Variants in GOT2 observed in about 807,000 individuals in gnomAD.
GOT2 encodes aspartate aminotransferase, mitochondrial.
Under a neutral mutation model 50.0 loss-of-function variants are expected in GOT2, and 17 were observed. That is an observed-to-expected ratio of 0.34 (90% CI 0.23 to 0.51). The LOEUF (loss-of-function observed/expected upper bound fraction) is 0.51, where lower values mean the gene tolerates loss of function less well. Among genes scored for constraint, GOT2 ranks in the 20% least tolerant of loss-of-function variants. The pLI is 0.97. For missense variants in GOT2, 430 were observed against 559.6 expected (o/e 0.77, Z 2.34); for synonymous variants, 172 against 204.9 (o/e 0.84, Z 1.37).
chr16:58,728,385 TG>T (rs757838897), intron 1 of GOT2, among the ~76,000 whole-genome samples: 1 of 152,268 alleles, frequency 6.6e-6, no homozygotes, highest in East Asian at 1.9e-4. Context: ...GGTCTAATGA[TG>T]AAAAAAACAC....
chr16:58,718,452 G>C (rs1212347479), intron 5 of GOT2, 75 bp downstream of exon 5: 1 of 1,429,302 alleles, frequency 7.0e-7, no homozygotes, highest in Non-Finnish European at 9.6e-7. Flanking sequence ...CAGATATTGG[G>C]ACATGGTGGG....
Position 58,709,530 on chromosome 16 carries a change from C to T in GOT2, c.1057G>A (p.Gly353Ser). 6.2e-7 allele frequency: 1 copy of T among 1,612,456 alleles called. No homozygotes were observed. Among genetic ancestry groups the T allele is most frequent in the Non-Finnish European group, 8.5e-7 (1 of 1,178,600 alleles). Residue 353 changes from glycine to serine, a missense_variant, in exon 9 of 10, where the codon GGC (glycine) becomes AGC (serine). Transcript: ENST00000245206. ...EVKVMADRII[G>S]MRTQLVSNLK... is the part of the protein sequence containing the mutation. ...TTGGAGACCAGTTGAGTCCGCATGCCAATGATGCGGTCAGCCATGACTTTC... is the reference window on the plus strand; with the variant it reads ...TTGGAGACCAGTTGAGTCCGCATGCTAATGATGCGGTCAGCCATGACTTTC...
At chr16:58,729,723 C>CAT (rs1555509610) in intron 1 of GOT2, among the ~76,000 whole-genome samples, 16 of 150,330 alleles carry the variant, frequency 1.1e-4, no homozygotes, top group African/African-American at 3.7e-4. Flanking sequence ...TTTAAGAATT[C>CAT]TTTTTTTTTG....
chr16:58,715,962 A>G, intron 8 of GOT2, 52 bp downstream of exon 8: 1 of 1,415,024 alleles, frequency 7.1e-7, no homozygotes, highest in Non-Finnish European at 9.7e-7. Context: ...CTAACTTTGA[A>G]GGAGCAGTGG....
rs7202491 is a variant in GOT2 at position 58,707,946 on chromosome 16, C to T, written c.*225G>A. The T allele has an allele frequency of 8.3e-6, 3 of 359,390 alleles. No individual in the cohort carries two copies. Among genetic ancestry groups the T allele is most frequent in the Non-Finnish European group, 1.5e-5 (3 of 201,576 alleles). The allele number at this position is 359,390 out of a possible 1,614,324, so 22.3% of individuals were successfully genotyped here. A position where few individuals can be genotyped will look rare whatever the true frequency, so the allele number is the denominator to read the frequency against. The stretch of plus-strand genomic sequence containing the variant: ...TGAGAAAAGTTGGAGAAAAAAGGAC[C>T]GGGGAGAGTTTGGTTTAATATTCCA... On this transcript the variant is annotated 3_prime_UTR_variant, in exon 10 of 10. Transcript: ENST00000245206.
intron 2 of GOT2, among the ~76,000 whole-genome samples, chr16:58,722,650 A>G (rs1042894079): frequency 6.6e-6 from 1 of 152,230 alleles, no homozygotes; most frequent in African/African-American, 2.4e-5. Context: ...GATTACAGGC[A>G]TGAGCCACTG....
Position 58,707,905 on chromosome 16 carries a change from G to A in GOT2, c.*266C>T, listed in dbSNP as rs2044616391. On this transcript the variant is annotated 3_prime_UTR_variant, in exon 10 of 10. Coordinates refer to ENST00000245206, the MANE Select transcript of GOT2 (RefSeq NM_002080.4). Reference sequence around the variant, plus strand: ...GGTTTTTTGGTGCGATGACTTTCTTGCACATGTAAACTCTTTGAGAAAAGT... The same window carrying A: ...GGTTTTTTGGTGCGATGACTTTCTTACACATGTAAACTCTTTGAGAAAAGT... 3.5e-6 allele frequency: 1 copy of A among 285,756 alleles called. No individual in the cohort carries two copies. The highest frequency in any genetic ancestry group is 6.7e-5 in the East Asian group (1 of 14,892). The allele number at this position is 285,756 out of a possible 1,614,324, so 17.7% of individuals were successfully genotyped here.
intron 4 of GOT2, 84 bp downstream of exon 4, chr16:58,719,112 G>C (rs1335780449): frequency 1.1e-6 from 1 of 946,330 alleles, no homozygotes; most frequent in Admixed American, 1.7e-5. Context: ...ATCTACTTCT[G>C]CATCAACAGT....
chr16:58,722,545 T>A (rs1204200511), intron 2 of GOT2, among the ~76,000 whole-genome samples: 1 of 152,032 alleles, frequency 6.6e-6, no homozygotes, highest in Non-Finnish European at 1.5e-5. Context: ...TAATTTTGTA[T>A]TTTTAGTAGA....
intron 2 of GOT2, 92 bp from the exon 3 acceptor site, chr16:58,722,370 G>A: frequency 7.4e-7 from 1 of 1,344,076 alleles, no homozygotes; most frequent in Non-Finnish European, 1.0e-6. Context: ...AAGTTTTGGA[G>A]GTAAAGTCTT....
At chr16:58,715,812 A>T (rs1030998696) in intron 8 of GOT2, among the ~76,000 whole-genome samples, 10 of 152,126 alleles carry the variant, frequency 6.6e-5, no homozygotes, top group African/African-American at 2.4e-4. Context: ...TCGGCCTCCC[A>T]AAGTGCTGCG....
chr16:58,719,845 C>T (rs1379685517), intron 3 of GOT2, among the ~76,000 whole-genome samples: 2 of 152,282 alleles, frequency 1.3e-5, no homozygotes, highest in Non-Finnish European at 2.9e-5. Context: ...GAATGACTCT[C>T]TAAACATCAA....
chr16:58,708,782 A>G (rs2044622839), intron 9 of GOT2, among the ~76,000 whole-genome samples: 1 of 152,088 alleles, frequency 6.6e-6, no homozygotes, highest in African/African-American at 2.4e-5. Flanking sequence ...GATTATGAAC[A>G]TGATCAAAAC....
intron 1 of GOT2, among the ~76,000 whole-genome samples, chr16:58,724,960 G>A (rs746383159): frequency 5.3e-5 from 8 of 152,092 alleles, no homozygotes; most frequent in Admixed American, 2.6e-4. Context: ...GCTCCTCTTC[G>A]CTGTGACAAT....
rs2044689965 is a variant in GOT2, at chr16:58,716,105, T to G, written c.928A>C (p.Ile310Leu). 2 of 1,613,942 alleles carry G rather than the reference T, an allele frequency of 1.2e-6. No individual in the cohort carries two copies. Among genetic ancestry groups the G allele is most frequent in the Non-Finnish European group, 1.7e-6 (2 of 1,179,860 alleles). The part of the protein sequence containing the change: ...EAKRVESQLK[I>L]LIRPMYSNPP... ...TTGGAATACATGGGACGGATCAAGA[T>G]CTTCAACTGTGACTCTACCCTTTTG... The change falls in exon 8 of 10, where the codon ATC becomes CTC. Residue 310 changes from isoleucine to leucine, a missense_variant. By Grantham distance (5) the Ile-to-Leu change is conservative. Transcript: ENST00000245206.
chr16:58,731,593 CTT>C (rs908644466), intron 1 of GOT2, among the ~76,000 whole-genome samples: 1 of 151,738 alleles, frequency 6.6e-6, no homozygotes, highest in African/African-American at 2.4e-5. Context: ...ACATTAGCAT[CTT>C]TTTTTTTCTT....
At chr16:58,717,390 A>G (rs903630791) in intron 6 of GOT2, among the ~76,000 whole-genome samples, 1 of 151,958 alleles carries the variant, frequency 6.6e-6, no homozygotes, top group African/African-American at 2.4e-5. Context: ...AAGAAAAAAA[A>G]AGAGAGAGAG....
In GOT2 at chr16:58,716,793, G is replaced by T. The variant is rs138711511; in HGVS notation, c.723C>A (p.Phe241Leu). 13 of 1,614,136 alleles carry T rather than the reference G, an allele frequency of 8.1e-6. No individual in the cohort carries two copies. In the African/African-American group the frequency reaches 1.5e-4, roughly 18 times the overall value. ...CAAAGCCTTGGTAGGCCATGTCAAA[G>T]AACGCAAAGAGATTCCTTTTCTGAG... ...TVVKKRNLFA[F>L]FDMAYQGFAS... The change falls in exon 7 of 10, where the codon TTC becomes TTA. Residue 241 changes from phenylalanine (F) to leucine (L), a missense_variant. Coordinates refer to ENST00000245206, the MANE Select transcript of GOT2 (RefSeq NM_002080.4).
At chr16:58,711,681 A>G (rs1237049340) in intron 8 of GOT2, among the ~76,000 whole-genome samples, 1 of 152,222 alleles carries the variant, frequency 6.6e-6, no homozygotes, top group African/African-American at 2.4e-5. Context: ...TATTAGCAAA[A>G]TAATTACTGG....
Sources: gnomAD v4.1 joint callset for allele counts (sites outside exome capture counted in the v4.1 genomes callset) on GRCh38, gnomAD v4.1.1 for gene constraint, MANE v1.5 for transcripts, NCBI Gene and HGNC (gene_info 2026-07-23, HGNC 2026-07-21) for gene names.